Variants in CACNA2D1 observed in about 807,000 individuals in gnomAD.
The protein encoded by CACNA2D1 is calcium voltage-gated channel auxiliary subunit alpha2delta 1.
Under a neutral mutation model 171.5 loss-of-function variants are expected in CACNA2D1, and 53 were observed. That is an observed-to-expected ratio of 0.31 (90% CI 0.25 to 0.39). The LOEUF is 0.39. Ranked by LOEUF, CACNA2D1 falls within the 10% of genes least tolerant of loss-of-function variation. The probability of loss-of-function intolerance (pLI) is 1.00; values close to 1 mark genes in which losing one functional copy is unlikely to be tolerated. For missense variants in CACNA2D1, 903 were observed against 1,299.8 expected (o/e 0.69, Z 4.69); for synonymous variants, 442 against 443.1 (o/e 1.00, Z 0.03).
chr7:82,397,592 A>G (rs75635595), intron 1 of CACNA2D1, among the ~76,000 whole-genome samples: 277 of 152,350 alleles, frequency 1.8e-3, no homozygotes, highest in African/African-American at 6.3e-3. Flanking sequence ...CAAATCAGTG[A>G]TTAAAATATA....
intron 4 of CACNA2D1, among the ~76,000 whole-genome samples, chr7:82,151,706 A>ACAG (rs1793874197): frequency 6.6e-6 from 1 of 152,118 alleles, no homozygotes. Context: ...AGTTGTCTAC[A>ACAG]TTTTCAACTG....
At chr7:81,977,244 T>C (rs1020044387) in intron 24 of CACNA2D1, among the ~76,000 whole-genome samples, 6 of 152,256 alleles carry the variant, frequency 3.9e-5, no homozygotes, top group Non-Finnish European at 7.4e-5. Context: ...TAGTTTATTA[T>C]GAGTTTTTAG....
intron 7 of CACNA2D1, among the ~76,000 whole-genome samples, chr7:82,078,115 T>C (rs1452675328): frequency 6.6e-6 from 1 of 152,056 alleles, no homozygotes; most frequent in Admixed American, 6.6e-5. Context: ...CTCTCAGAGG[T>C]CTACTTTACA....
At chr7:81,965,767 A>T (rs1352124363) in intron 31 of CACNA2D1, 102 bp from the exon 32 acceptor site, 3 of 754,138 alleles carry the variant, frequency 4.0e-6, no homozygotes, top group Non-Finnish European at 7.3e-6. Context: ...AAAATAGAAA[A>T]TTTTAAATGC....
intron 3 of CACNA2D1, among the ~76,000 whole-genome samples, chr7:82,318,233 A>C (rs1022669143): frequency 6.6e-6 from 1 of 152,134 alleles, no homozygotes; most frequent in African/African-American, 2.4e-5. Flanking sequence ...TTGCTAATTA[A>C]AAAAGTGAAT....
At chr7:82,053,603 G>A (rs1170069344) in intron 10 of CACNA2D1, among the ~76,000 whole-genome samples, 1 of 152,058 alleles carries the variant, frequency 6.6e-6, no homozygotes, top group East Asian at 1.9e-4. Flanking sequence ...CTAGGAGCTG[G>A]GACCAGTAAT....
intron 10 of CACNA2D1, among the ~76,000 whole-genome samples, chr7:82,044,271 C>G (rs1341443272): frequency 6.6e-6 from 1 of 152,116 alleles, no homozygotes; most frequent in Non-Finnish European, 1.5e-5. Flanking sequence ...GGCAGGCTTT[C>G]TTTAGGGTAC....
chr7:82,303,724 A>G (rs1284127119), intron 3 of CACNA2D1, among the ~76,000 whole-genome samples: 1 of 152,154 alleles, frequency 6.6e-6, no homozygotes, highest in East Asian at 1.9e-4. Context: ...CTAAAGAGGG[A>G]TTAAAGATGT....
At chr7:82,319,624 A>G (rs575626441) in intron 3 of CACNA2D1, among the ~76,000 whole-genome samples, 1 of 152,352 alleles carries the variant, frequency 6.6e-6, no homozygotes, top group South Asian at 2.1e-4. Context: ...CACAGGCAGT[A>G]AGATATAGGG....
At chr7:82,177,558 G>C (rs1194193176) in intron 3 of CACNA2D1, among the ~76,000 whole-genome samples, 1 of 151,982 alleles carries the variant, frequency 6.6e-6, no homozygotes, top group Non-Finnish European at 1.5e-5. Context: ...ATAATATCTG[G>C]AGGAGGACAA....
chr7:82,424,069 T>C lies in CACNA2D1; in HGVS notation c.95+19296A>G, dbSNP rs1219306404. Among the ~76,000 whole-genome samples the C allele has an allele frequency of 2.0e-5, 3 of 152,142 alleles. No homozygotes were observed. The East Asian group carries it at 5.8e-4, about 29-fold the overall frequency. ...ATGGATATAAAATTTACAAAATAAATAAATCAGCCCTACCCCTTTAGCACA... is the reference window on the plus strand; with the variant it reads ...ATGGATATAAAATTTACAAAATAAACAAATCAGCCCTACCCCTTTAGCACA... On this transcript the variant is annotated intron_variant, in intron 1 of 38. Transcript: ENST00000356860.
In CACNA2D1 at chr7:81,998,891, C is replaced by G. The variant is rs528317570; in HGVS notation, c.1591-1641G>C. Among the ~76,000 whole-genome samples, 7 of 151,910 alleles carry G rather than the reference C, an allele frequency of 4.6e-5. No individual in the cohort carries two copies. The East Asian group carries it at 5.8e-4, about 13-fold the overall frequency. ...GTTTAAAAAATGAAACCTAGAAAAC[C>G]CCTAACAAAAGGATACTCTAAAGTT... On this transcript the variant is annotated intron_variant, in intron 18 of 38. Coordinates refer to ENST00000356860, the MANE Select transcript of CACNA2D1 (RefSeq NM_000722.4).
chr7:82,027,307 C>A (rs1039405038), intron 12 of CACNA2D1, among the ~76,000 whole-genome samples: 1 of 151,564 alleles, frequency 6.6e-6, no homozygotes, highest in Admixed American at 6.6e-5. Flanking sequence ...CCAAGATGAA[C>A]GTTTTATTCA....
chr7:82,062,232 G>A (rs1372454101), intron 9 of CACNA2D1, among the ~76,000 whole-genome samples: 1 of 152,094 alleles, frequency 6.6e-6, no homozygotes, highest in Non-Finnish European at 1.5e-5. Context: ...CAAGATAGAG[G>A]CAACCATGTC....
intron 12 of CACNA2D1, among the ~76,000 whole-genome samples, chr7:82,022,362 T>G (rs1801334705): frequency 6.6e-6 from 1 of 151,938 alleles, no homozygotes; most frequent in South Asian, 2.1e-4. Flanking sequence ...ACTTGGTTTT[T>G]ATGAACAAAG....
chr7:82,107,274 A>C (rs1787876173), intron 6 of CACNA2D1, among the ~76,000 whole-genome samples: 1 of 152,158 alleles, frequency 6.6e-6, no homozygotes, highest in Non-Finnish European at 1.5e-5. Context: ...GTTTTCACAT[A>C]CAACAGAGAT....
intron 7 of CACNA2D1, 57 bp downstream of exon 7, chr7:82,084,712 A>C: frequency 6.3e-7 from 1 of 1,584,804 alleles, no homozygotes; most frequent in Non-Finnish European, 8.7e-7. Flanking sequence ...ATAACAGAGT[A>C]TTCTCCAGAA....
intron 3 of CACNA2D1, among the ~76,000 whole-genome samples, chr7:82,218,627 G>A (rs1801434100): frequency 1.3e-5 from 2 of 152,132 alleles, no homozygotes; most frequent in Non-Finnish European, 1.5e-5. Flanking sequence ...GAACCAAGAT[G>A]AGTGATCTAA....
chr7:81,962,133 C>A, intron 35 of CACNA2D1, 110 bp from the exon 36 acceptor site: 1 of 1,016,408 alleles, frequency 9.8e-7, no homozygotes, highest in Non-Finnish European at 1.5e-6. Context: ...CGTATAAGAC[C>A]AGGACCCCTC....
Sources: gnomAD v4.1 joint callset for allele counts (sites outside exome capture counted in the v4.1 genomes callset) on GRCh38, gnomAD v4.1.1 for gene constraint, MANE v1.5 for transcripts, NCBI Gene and HGNC (gene_info 2026-07-23, HGNC 2026-07-21) for gene names.